BNC2: variants seen among roughly 807,000 people sequenced by gnomAD.
BNC2 encodes the protein basonuclin zinc finger protein 2.
A neutral mutation model predicts 76.3 loss-of-function variants in BNC2; 20 were observed. The ratio of observed to expected loss-of-function variants is 0.26; its 90% CI spans 0.18 to 0.38. The LOEUF is 0.38. BNC2 is among the 10% of genes least tolerant of loss of function. The pLI is 1.00. For missense variants in BNC2, 1,382 were observed against 1,399.8 expected (o/e 0.99, Z 0.20); for synonymous variants, 582 against 514.8 (o/e 1.13, Z -1.77).
intron 5 of BNC2, among the ~76,000 whole-genome samples, chr9:16,527,563 C>T (rs987053908): frequency 6.6e-6 from 1 of 152,196 alleles, no homozygotes; most frequent in African/African-American, 2.4e-5. Context: ...GCTGAAAGAA[C>T]CTGCATAAGC....
chr9:16,587,675 A>G (rs926214807), intron 3 of BNC2, among the ~76,000 whole-genome samples: 3 of 152,156 alleles, frequency 2.0e-5, no homozygotes, highest in Admixed American at 2.0e-4. Flanking sequence ...TGCCTACTAG[A>G]GTAGAAACAG....
chr9:16,638,139 A>G (rs923255435), intron 3 of BNC2, among the ~76,000 whole-genome samples: 1 of 152,206 alleles, frequency 6.6e-6, no homozygotes, highest in Non-Finnish European at 1.5e-5. Flanking sequence ...TTGTAGGAAC[A>G]AGCTTTCTCG....
At chr9:16,589,646 T>TTACA (rs1207394881) in intron 3 of BNC2, among the ~76,000 whole-genome samples, 2 of 151,930 alleles carry the variant, frequency 1.3e-5, no homozygotes, top group Admixed American at 1.3e-4. Context: ...GTAGCTGGGA[T>TTACA]TACATGCACG....
intron 1 of BNC2, among the ~76,000 whole-genome samples, chr9:16,782,199 T>C (rs1298044285): frequency 6.6e-6 from 1 of 151,856 alleles, no homozygotes; most frequent in Non-Finnish European, 1.5e-5. Flanking sequence ...GCAGAAGAAT[T>C]GCTGGGACCC....
At chr9:16,669,195 T>G (rs1822398290) in intron 3 of BNC2, among the ~76,000 whole-genome samples, 2 of 152,172 alleles carry the variant, frequency 1.3e-5, no homozygotes. Flanking sequence ...AGCCTGAGAA[T>G]ATAATGGAAA....
chr9:16,586,248 C>A (rs902589908), intron 3 of BNC2, among the ~76,000 whole-genome samples: 1 of 152,024 alleles, frequency 6.6e-6, no homozygotes, highest in Non-Finnish European at 1.5e-5. Context: ...ATCCCAACTC[C>A]CCAAGAACAA....
chr9:16,779,130 A>AAAAAAAT (rs556932807), intron 1 of BNC2, among the ~76,000 whole-genome samples: 2 of 87,634 alleles, frequency 2.3e-5, no homozygotes. Flanking sequence ...AAAAAAAAAA[A>AAAAAAAT]AAAAGAAAAG....
chr9:16,463,912 A>T (rs1167351860), intron 5 of BNC2, among the ~76,000 whole-genome samples: 1 of 151,900 alleles, frequency 6.6e-6, no homozygotes, highest in Admixed American at 6.6e-5. Flanking sequence ...CTGGGCCAAC[A>T]TGGCGAAACC....
At chr9:16,793,648 C>CTTTTTTTTT (rs71327860) in intron 1 of BNC2, among the ~76,000 whole-genome samples, 5 of 55,826 alleles carry the variant, frequency 9.0e-5, no homozygotes, top group Admixed American at 2.9e-4. Context: ...CCTTCCACAT[C>CTTTTTTTTT]TTTTTTTTTT....
Position 16,717,037 on chromosome 9 carries a change from G to C in BNC2, c.330+10760C>G, listed in dbSNP as rs191782296. 3.4e-4 allele frequency among the ~76,000 whole-genome samples: 52 copies of C among 152,232 alleles called. No homozygotes were observed. The East Asian group carries it at 9.8e-3, about 29-fold the overall frequency. The stretch of plus-strand genomic sequence containing the variant: ...ATACCGTAAACATGAACTCCATAAA[G>C]GCAGTCTTAGGTAGGCCTGAATGAC... On this transcript the variant is annotated intron_variant, in intron 3 of 6. Coordinates refer to ENST00000380672, the MANE Select transcript of BNC2 (RefSeq NM_017637.6).
At position 16,460,985 on chromosome 9, in the gene BNC2, G is replaced by A. The variant is rs1359840699; in HGVS notation, c.670-23461C>T. Among the ~76,000 whole-genome samples, 3 of 151,570 alleles carry A rather than the reference G, an allele frequency of 2.0e-5. No homozygotes were observed. In the East Asian group the frequency reaches 5.8e-4, roughly 29 times the overall value. On this transcript the variant is annotated intron_variant, in intron 5 of 6. Coordinates refer to ENST00000380672, the MANE Select transcript of BNC2 (RefSeq NM_017637.6). ...ATGACTGTACAACTTGATCTACCAA[G>A]ACGGCAGACAAGATAGTATACAGTA...
rs543046936 is a variant in BNC2 at position 16,848,038 on chromosome 9, T to C, written c.3+22608A>G. ...AAAGACAATGAAACCTATGATGCAG[T>C]AGCTTATGAAAACACAACAAAATTC... On this transcript the variant is annotated intron_variant, in intron 1 of 6. Transcript: ENST00000380672. Among the ~76,000 whole-genome samples the C allele has an allele frequency of 7.9e-5, 12 of 152,320 alleles. No homozygotes were observed. The East Asian group carries it at 2.3e-3, about 29-fold the overall frequency.
chr9:16,788,284 T>C (rs1254500841), intron 1 of BNC2, among the ~76,000 whole-genome samples: 2 of 152,044 alleles, frequency 1.3e-5, no homozygotes, highest in Non-Finnish European at 2.9e-5. Context: ...CCAGGCGCGG[T>C]GGCTCACGCC....
At chr9:16,633,618 A>G (rs1821231659) in intron 3 of BNC2, among the ~76,000 whole-genome samples, 1 of 152,170 alleles carries the variant, frequency 6.6e-6, no homozygotes, top group Non-Finnish European at 1.5e-5. Context: ...AGTTTTTATA[A>G]TATCATTATT....
chr9:16,644,479 A>C (rs1821571130), intron 3 of BNC2, among the ~76,000 whole-genome samples: 1 of 152,176 alleles, frequency 6.6e-6, no homozygotes, highest in African/African-American at 2.4e-5. Flanking sequence ...TAATAGAAAA[A>C]AATAAATCAA....
chr9:16,470,131 G>A (rs1050257737), intron 5 of BNC2, among the ~76,000 whole-genome samples: 1 of 151,172 alleles, frequency 6.6e-6, no homozygotes, highest in African/African-American at 2.4e-5. Context: ...CTGAGTAGCT[G>A]GGACTACAGG....
intron 1 of BNC2, chr9:16,832,166 T>G (rs1281385425): frequency 8.2e-6 from 5 of 609,046 alleles, no homozygotes; most frequent in Non-Finnish European, 9.7e-6. Context: ...TTTAGTAGGT[T>G]TCATTCATGC....
intron 1 of BNC2, among the ~76,000 whole-genome samples, chr9:16,782,961 G>T (rs956604997): frequency 2.0e-5 from 3 of 152,156 alleles, no homozygotes; most frequent in South Asian, 2.1e-4. Context: ...TAAAGCAGGG[G>T]TGTTTCATAT....
chr9:16,700,291 A>C (rs1178419640), intron 3 of BNC2, among the ~76,000 whole-genome samples: 1 of 152,164 alleles, frequency 6.6e-6, no homozygotes, highest in Non-Finnish European at 1.5e-5. Flanking sequence ...GCTCATGCCT[A>C]TAATCCCAGC....
Sources: allele counts gnomAD v4.1 joint callset (sites outside exome capture counted in the v4.1 genomes callset), GRCh38; gene constraint gnomAD v4.1.1; transcripts MANE v1.5; gene names NCBI Gene and HGNC (gene_info 2026-07-23, HGNC 2026-07-21).